Variants in DECR1 observed in about 807,000 individuals in gnomAD.
The protein encoded by DECR1 is 2,4-dienoyl-CoA reductase [(3E)-enoyl-CoA-producing], mitochondrial.
In DECR1, 44 loss-of-function variants were observed where a neutral mutation model predicts 38.8. The ratio of observed to expected loss-of-function variants is 1.13; its 90% confidence interval spans 0.89 to 1.46. DECR1 has a LOEUF of 1.46. DECR1 is among the 40% of genes most tolerant of loss of function. The probability of loss-of-function intolerance (pLI) is 0.00; values close to 1 mark genes in which losing one functional copy is unlikely to be tolerated. For synonymous variants in DECR1, 148 were observed against 135.2 expected (o/e 1.09, Z -0.66); for missense variants, 428 against 405.5 (o/e 1.06, Z -0.48).
chr8:90,027,139 C>T (rs1813368270), intron 5 of DECR1, among the ~76,000 whole-genome samples: 1 of 152,146 alleles, frequency 6.6e-6, no homozygotes, highest in East Asian at 1.9e-4. Flanking sequence ...GCTTTACTTC[C>T]AACTATGTGG....
At chr8:90,002,720 C>T (rs984137416) in intron 1 of DECR1, among the ~76,000 whole-genome samples, 1 of 152,166 alleles carries the variant, frequency 6.6e-6, no homozygotes, top group Non-Finnish European at 1.5e-5. Context: ...TGGTGGTTCC[C>T]TCAAGTAAGG....
rs984080879 is a variant in DECR1, at chr8:90,042,646, G to A, written c.666-82G>A. ...GGTTGTAATCTCTGGCATGTAGTAA[G>A]CATCTAGTGAGTCTCAGTTATTACT... On this transcript the variant is annotated intron_variant, in intron 6 of 9. Coordinates refer to ENST00000220764, the MANE Select transcript of DECR1 (RefSeq NM_001359.2). The A allele has an allele frequency of 6.1e-6, 7 of 1,143,844 alleles. No homozygotes were observed. The African/African-American group carries it at 7.6e-5, about 12-fold the overall frequency. The allele number at this position is 1,143,844 out of a possible 1,614,324, so 70.9% of individuals were successfully genotyped here.
chr8:90,040,235 G>A (rs1426303336), intron 6 of DECR1, among the ~76,000 whole-genome samples: 5 of 152,040 alleles, frequency 3.3e-5, no homozygotes, highest in Admixed American at 1.3e-4. Flanking sequence ...AAATGCCCAG[G>A]GTAGCTATGG....
At chr8:90,029,364 A>C (rs974239362) in intron 5 of DECR1, 5 of 152,206 alleles carry the variant, frequency 3.3e-5, no homozygotes, top group Admixed American at 3.3e-4. Flanking sequence ...AATAACTTTT[A>C]AGAACCTCAG....
intron 8 of DECR1, among the ~76,000 whole-genome samples, chr8:90,046,614 C>T (rs1813911627): frequency 6.6e-6 from 1 of 152,158 alleles, no homozygotes; most frequent in Non-Finnish European, 1.5e-5. Context: ...AAACATGCTG[C>T]AGGATATTAT....
intron 5 of DECR1, among the ~76,000 whole-genome samples, chr8:90,025,890 C>T (rs528706559): frequency 3.7e-4 from 56 of 152,182 alleles, no homozygotes; most frequent in African/African-American, 1.0e-3. Context: ...TTTTGAGATA[C>T]GTCCCATCAA....
chr8:90,020,333 G>A (rs1030692141), intron 4 of DECR1, among the ~76,000 whole-genome samples: 2 of 152,106 alleles, frequency 1.3e-5, no homozygotes, highest in African/African-American at 4.8e-5. Context: ...ATAAAATGCA[G>A]TCACATGGTA....
chr8:90,021,887 ATTAC>A (rs1813173400), intron 5 of DECR1, among the ~76,000 whole-genome samples: 1 of 152,230 alleles, frequency 6.6e-6, no homozygotes, highest in South Asian at 2.1e-4. Flanking sequence ...TTATGAATGA[ATTAC>A]TTTATAAAAG....
chr8:90,003,128 TC>T (rs1207450565), intron 1 of DECR1: 21 of 152,308 alleles, frequency 1.4e-4, no homozygotes, highest in Admixed American at 1.4e-3. Flanking sequence ...GTGTGGTTTG[TC>T]CCCTTCCTAG....
rs1586173482 is a variant in DECR1, at chr8:90,053,533, T to C, written c.*1636T>C. ...ACCAAACACACAAAGACACACTCTT[T>C]CCCTCCACTGATTCCACCAGTATAG... On this transcript the variant is annotated 3_prime_UTR_variant, in exon 10 of 10. Coordinates refer to ENST00000220764, the MANE Select transcript of DECR1 (RefSeq NM_001359.2). 6.6e-6 allele frequency among the ~76,000 whole-genome samples: 1 copy of C among 152,186 alleles called. No homozygotes were observed. The highest frequency in any genetic ancestry group is 6.5e-5 in the Admixed American group (1 of 15,278).
At chr8:90,040,154 T>TA (rs928221362) in intron 6 of DECR1, among the ~76,000 whole-genome samples, 1 of 152,136 alleles carries the variant, frequency 6.6e-6, no homozygotes, top group African/African-American at 2.4e-5. Flanking sequence ...TTTCATAGGA[T>TA]AATATAGACT....
rs75043250 is a variant in DECR1 at position 90,009,816 on chromosome 8, T to A, written c.70-7308T>A. Among the ~76,000 whole-genome samples, 874 of 152,310 alleles carry A rather than the reference T, an allele frequency of 5.7e-3. 11 individuals are homozygous for A. The highest frequency in any genetic ancestry group is 6.3e-3 in the Non-Finnish European group (431 of 68,020). On this transcript the variant is annotated intron_variant, in intron 1 of 9. Coordinates refer to ENST00000220764, the MANE Select transcript of DECR1 (RefSeq NM_001359.2). ...TAGCTGAAAATTTCAAATTGCCTCT[T>A]AGGTCTGTGATTTCATCTCTTTTTA...
At chr8:90,004,076 A>G (rs1263156914) in intron 1 of DECR1, among the ~76,000 whole-genome samples, 1 of 152,158 alleles carries the variant, frequency 6.6e-6, no homozygotes, top group African/African-American at 2.4e-5. Context: ...ACTATCATGC[A>G]CACTGCCATG....
chr8:90,004,352 GA>G (rs547488325), intron 1 of DECR1, among the ~76,000 whole-genome samples: 936 of 84,682 alleles, frequency 0.011, 8 homozygotes, highest in African/African-American at 0.029. Context: ...ATCTCAAAAA[GA>G]AAAAAAAAAA....
At chr8:90,007,446 A>G (rs1235119445) in intron 1 of DECR1, among the ~76,000 whole-genome samples, 2 of 151,964 alleles carry the variant, frequency 1.3e-5, no homozygotes, top group Non-Finnish European at 2.9e-5. Flanking sequence ...CAGGTGGTGG[A>G]TATAGAGGGA....
Position 90,036,872 on chromosome 8 carries a change from T to C in DECR1, c.597T>C (p.Tyr199=). Residue 199 remains tyrosine (Y), a synonymous_variant, in exon 6 of 10, where the codon TAT becomes TAC. Coordinates refer to ENST00000220764, the MANE Select transcript of DECR1 (RefSeq NM_001359.2). ...CATTTCTTTCTATTACTACTATCTATGCTGAGACTGGTTCAGGTTTTGTAG... is the reference window on the plus strand; with the variant it reads ...CATTTCTTTCTATTACTACTATCTACGCTGAGACTGGTTCAGGTTTTGTAG... The part of the protein sequence containing the change: ...GAAFLSITTI[Y]AETGSGFVVP... The C allele has an allele frequency of 6.2e-7, 1 of 1,613,588 alleles. No homozygotes were observed. The highest frequency in any genetic ancestry group is 8.5e-7 in the Non-Finnish European group (1 of 1,179,738).
intron 1 of DECR1, chr8:90,015,612 C>A (rs989363815): frequency 6.6e-6 from 3 of 456,518 alleles, no homozygotes; most frequent in African/African-American, 6.0e-5. Context: ...TTCAAGATAT[C>A]CTGAACCAAC....
chr8:90,028,762 T>TTTTC (rs904773277), intron 5 of DECR1, among the ~76,000 whole-genome samples: 2 of 152,124 alleles, frequency 1.3e-5, no homozygotes, highest in African/African-American at 2.4e-5. Flanking sequence ...TTCCTTCTTT[T>TTTTC]TTTCTTTCTT....
chr8:90,003,444 A>C (rs1812665365), intron 1 of DECR1, among the ~76,000 whole-genome samples: 1 of 146,100 alleles, frequency 6.8e-6, no homozygotes, highest in Non-Finnish European at 1.5e-5. Flanking sequence ...TCAAAATTTA[A>C]AAAATACGAG....
Sources: gnomAD v4.1 joint callset for allele counts (sites outside exome capture counted in the v4.1 genomes callset) on GRCh38, gnomAD v4.1.1 for gene constraint, MANE v1.5 for transcripts, NCBI Gene and HGNC (gene_info 2026-07-23, HGNC 2026-07-21) for gene names.